CCDC175: variants seen among roughly 807,000 people sequenced by gnomAD.
CCDC175 encodes the protein coiled-coil domain containing 175, also known as coiled-coil domain-containing protein 175.
In CCDC175, 100 loss-of-function variants were observed where a neutral mutation model predicts 114.6. The ratio of observed to expected loss-of-function variants is 0.87; its 90% CI spans 0.74 to 1.03. The LOEUF is 1.03. Among genes scored for constraint, CCDC175 ranks in the 50% least tolerant of loss-of-function variants. The pLI, the probability that CCDC175 is intolerant of heterozygous loss-of-function variation, is 0.00. For missense variants in CCDC175, 880 were observed against 917.8 expected, an observed-to-expected ratio of 0.96 and a Z score of 0.53; for synonymous variants, 306 against 308.7, an observed-to-expected ratio of 0.99 and a Z score of 0.09.
chr14:59,563,695 C>A, intron 6 of CCDC175, 42 bp downstream of exon 6: 1 of 1,217,082 alleles, frequency 8.2e-7, no homozygotes. Flanking sequence ...ATTGAGGTGC[C>A]TAGATAAGGC....
Position 59,516,931 on chromosome 14 carries a change from G to A in CCDC175, c.2098+4643C>T, listed in dbSNP as rs983972858. ...TGCAAAAATCCTCACTAAAATACTG[G>A]CAATCCGAATCCAGCAGCACATCAA... On this transcript the variant is annotated intron_variant, in intron 17 of 19. Transcript: ENST00000537690. 2.6e-5 allele frequency among the ~76,000 whole-genome samples: 4 copies of A among 152,244 alleles called. No individual in the cohort carries two copies. The East Asian group carries it at 7.7e-4, about 29-fold the overall frequency.
At chr14:59,514,294 C>A (rs977120849) in intron 17 of CCDC175, among the ~76,000 whole-genome samples, 1 of 152,126 alleles carries the variant, frequency 6.6e-6, no homozygotes, top group South Asian at 2.1e-4. Flanking sequence ...TCCTCACCAG[C>A]AATGGAACAA....
At chr14:59,561,000 A>G (rs908591221) in intron 7 of CCDC175, 119 bp downstream of exon 7, 2 of 537,722 alleles carry the variant, frequency 3.7e-6, no homozygotes, top group Non-Finnish European at 3.2e-6. Context: ...CTAAGAGAAT[A>G]TAATTTTCAT....
intron 17 of CCDC175, among the ~76,000 whole-genome samples, chr14:59,515,854 C>G (rs2139966699): frequency 6.6e-6 from 1 of 152,342 alleles, no homozygotes; most frequent in African/African-American, 2.4e-5. Flanking sequence ...GCCAAATCAA[C>G]AGAATATACA....
At chr14:59,564,820 C>G (rs1896427485) in intron 5 of CCDC175, among the ~76,000 whole-genome samples, 1 of 152,194 alleles carries the variant, frequency 6.6e-6, no homozygotes, top group African/African-American at 2.4e-5. Flanking sequence ...GTTACAAATC[C>G]TGTCACTTAT....
intron 7 of CCDC175, among the ~76,000 whole-genome samples, chr14:59,553,376 T>C (rs1180441048): frequency 6.6e-6 from 1 of 152,074 alleles, no homozygotes; most frequent in Non-Finnish European, 1.5e-5. Flanking sequence ...GCTTCATAAG[T>C]GAAGGAGAAA....
At chr14:59,560,513 G>A (rs563458873) in intron 7 of CCDC175, among the ~76,000 whole-genome samples, 11 of 152,192 alleles carry the variant, frequency 7.2e-5, no homozygotes, top group African/African-American at 2.4e-4. Flanking sequence ...TTGGACCTGT[G>A]CCAGGTCAAT....
rs767096280 is a variant in CCDC175, at chr14:59,521,696, G to A, written c.1996-20C>T. 5 of 1,316,426 alleles carry A rather than the reference G, an allele frequency of 3.8e-6. No homozygotes were observed. In the African/African-American group the frequency reaches 7.3e-5, roughly 19 times the overall value. 81.5% of individuals were successfully genotyped at this position (1,316,426 alleles called of 1,614,324 possible). On this transcript the variant is annotated intron_variant, in intron 16 of 19. Coordinates refer to ENST00000537690, the MANE Select transcript of CCDC175 (RefSeq NM_001164399.2). ...AATATACTGAAAATTAAAAGCATGT[G>A]ATTGCTTTTAGCAGTTTAGTTACTA...
chr14:59,571,020 C>T (rs544789072), intron 3 of CCDC175, among the ~76,000 whole-genome samples: 5 of 152,186 alleles, frequency 3.3e-5, no homozygotes, highest in Admixed American at 1.3e-4. Flanking sequence ...GGATTACAGG[C>T]GTGAGCCACC....
At chr14:59,532,942 A>G (rs1341096112) in intron 13 of CCDC175, among the ~76,000 whole-genome samples, 1 of 152,222 alleles carries the variant, frequency 6.6e-6, no homozygotes, top group Non-Finnish European at 1.5e-5. Context: ...AAAAACTTTT[A>G]GTTTTGGTTT....
chr14:59,510,871 T>G (rs1892698591), intron 18 of CCDC175, 63 bp from the exon 19 acceptor site: 1 of 1,395,822 alleles, frequency 7.2e-7, no homozygotes, highest in African/African-American at 1.6e-5. Flanking sequence ...AAATACACAT[T>G]CTAAGTGGAT....
At chr14:59,521,428 C>G in intron 17 of CCDC175, 146 bp downstream of exon 17, 1 of 545,004 alleles carries the variant, frequency 1.8e-6, no homozygotes, top group South Asian at 2.7e-5. Context: ...TGCTCCTCAA[C>G]TTGCAGAAGA....
chr14:59,516,577 G>C (rs188284101), intron 17 of CCDC175, among the ~76,000 whole-genome samples: 1 of 152,186 alleles, frequency 6.6e-6, no homozygotes, highest in Non-Finnish European at 1.5e-5. Context: ...AGAATAAATG[G>C]ATAAATTCCT....
At chr14:59,526,998 A>G (rs538092651) in intron 15 of CCDC175, 97 bp downstream of exon 15, 2 of 632,104 alleles carry the variant, frequency 3.2e-6, no homozygotes, top group Admixed American at 7.5e-5. Context: ...ACAAATGTGG[A>G]TTTCATGAAA....
intron 15 of CCDC175, 77 bp from the exon 16 acceptor site, chr14:59,525,511 A>G (rs1893690306): frequency 2.1e-6 from 2 of 966,352 alleles, no homozygotes; most frequent in Non-Finnish European, 2.9e-6. Context: ...CCTAGGTCAC[A>G]TTTGGAGCCA....
intron 16 of CCDC175, among the ~76,000 whole-genome samples, chr14:59,521,879 C>G (rs1393355773): frequency 6.6e-6 from 1 of 152,200 alleles, no homozygotes; most frequent in Non-Finnish European, 1.5e-5. Context: ...TCCTATGAAG[C>G]ATTTCACTTC....
chr14:59,516,599 C>T (rs1267417758), intron 17 of CCDC175, among the ~76,000 whole-genome samples: 1 of 152,202 alleles, frequency 6.6e-6, no homozygotes, highest in African/African-American at 2.4e-5. Context: ...GACACATACA[C>T]CCTCCGAAGA....
rs1479054302 is a variant in CCDC175, at chr14:59,561,197, C to T, written c.875G>A (p.Arg292Gln). The change falls in exon 7 of 20, where the codon CGA becomes CAA. Residue 292 changes from arginine to glutamine, a missense_variant. Transcript: ENST00000537690. Reference sequence around the variant, plus strand: ...CCAATACCTTATTGATTCGTGTAGTCGTGCTATCTCTAAATTGTGATCACT... The same window carrying T: ...CCAATACCTTATTGATTCGTGTAGTTGTGCTATCTCTAAATTGTGATCACT... ...VLSDHNLEIA[R>Q]LHESIRYWEQ... The T allele has an allele frequency of 5.2e-6, 8 of 1,534,344 alleles. No individual in the cohort carries two copies. The highest frequency in any genetic ancestry group is 4.9e-5 in the East Asian group (2 of 40,824).
At chr14:59,560,017 TG>T (rs1158208704) in intron 7 of CCDC175, among the ~76,000 whole-genome samples, 2 of 152,174 alleles carry the variant, frequency 1.3e-5, no homozygotes, top group African/African-American at 4.8e-5. Flanking sequence ...ATGACTTTTT[TG>T]TCTAGTTTTT....
Sources: allele counts gnomAD v4.1 joint callset (sites outside exome capture counted in the v4.1 genomes callset), GRCh38; gene constraint gnomAD v4.1.1; transcripts MANE v1.5; gene names NCBI Gene and HGNC (gene_info 2026-07-23, HGNC 2026-07-21).